The following UTRN variants were observed in gnomAD, a reference collection of about 807,000 sequenced individuals.
The protein encoded by UTRN is dystrophin-related protein 1.
UTRN carries 283 observed loss-of-function variants against 463.9 expected under a neutral mutation model. That is an observed-to-expected ratio of 0.61 (90% CI 0.55 to 0.67). The LOEUF is 0.67. Among genes scored for constraint, UTRN ranks in the 30% least tolerant of loss-of-function variants. UTRN has a pLI of 0.00. For synonymous variants in UTRN, 1,442 were observed against 1,431.5 expected, an observed-to-expected ratio of 1.01 and a Z score of -0.17; for missense variants, 3,922 against 4,084.3, an observed-to-expected ratio of 0.96 and a Z score of 1.08.
intron 52 of UTRN, among the ~76,000 whole-genome samples, chr6:144,695,632 T>C (rs1783925070): frequency 6.6e-6 from 1 of 152,198 alleles, no homozygotes; most frequent in African/African-American, 2.4e-5. Context: ...CGTGAGCCAC[T>C]GCGCTCAGCC....
chr6:144,435,303 T>C (rs1786430440), intron 9 of UTRN, among the ~76,000 whole-genome samples: 1 of 152,180 alleles, frequency 6.6e-6, no homozygotes, highest in African/African-American at 2.4e-5. Context: ...AAAGTATATA[T>C]GGAAATACTC....
chr6:144,690,869 T>TA (rs1158706759), intron 52 of UTRN, among the ~76,000 whole-genome samples: 3 of 152,274 alleles, frequency 2.0e-5, no homozygotes, highest in South Asian at 2.1e-4. Context: ...TCTGGGGACT[T>TA]ACAATTTTTG....
In UTRN at chr6:144,301,544, T is replaced by C. The variant is rs201530000; in HGVS notation, c.79+9637T>C. ...CCTATCTTTCTTTCTTTCTTTTTTTTTTTTTTTTTTTTTTTTTGAGACAGG... is the reference window on the plus strand; with the variant it reads ...CCTATCTTTCTTTCTTTCTTTTTTTCTTTTTTTTTTTTTTTTTGAGACAGG... On this transcript the variant is annotated intron_variant, in intron 2 of 74. Coordinates refer to ENST00000367545, the MANE Select transcript of UTRN (RefSeq NM_007124.3). 1.6e-4 allele frequency among the ~76,000 whole-genome samples: 21 copies of C among 127,908 alleles called. 1 individual carries two copies. The highest frequency in any genetic ancestry group is 5.2e-4 in the African/African-American group (14 of 27,184). 83.9% of individuals were successfully genotyped at this position (127,908 alleles called of 152,430 possible).
chr6:144,477,229 GAAGT>G (rs892949945), intron 25 of UTRN, among the ~76,000 whole-genome samples: 1 of 152,122 alleles, frequency 6.6e-6, no homozygotes, highest in Non-Finnish European at 1.5e-5. Context: ...ATATATAGCT[GAAGT>G]GAGTGACAAA....
chr6:144,302,068 A>G (rs1805323676), intron 2 of UTRN, among the ~76,000 whole-genome samples: 1 of 152,166 alleles, frequency 6.6e-6, no homozygotes, highest in Non-Finnish European at 1.5e-5. Flanking sequence ...TCTCTGTGCT[A>G]TCTGCATGCC....
chr6:144,473,115 G>A (rs1057456465), intron 23 of UTRN, among the ~76,000 whole-genome samples: 5 of 152,092 alleles, frequency 3.3e-5, no homozygotes, highest in African/African-American at 1.2e-4. Context: ...TCTCTCTAAA[G>A]TCTCTTTCTC....
At chr6:144,776,547 C>G (rs944644175) in intron 60 of UTRN, among the ~76,000 whole-genome samples, 2 of 152,184 alleles carry the variant, frequency 1.3e-5, no homozygotes, top group Non-Finnish European at 2.9e-5. Flanking sequence ...ACTCATATTT[C>G]GAGAACGTTG....
chr6:144,534,827 G>A (rs931511999), intron 43 of UTRN, among the ~76,000 whole-genome samples: 3 of 152,212 alleles, frequency 2.0e-5, no homozygotes, highest in South Asian at 2.1e-4. Context: ...GAAGCATGCC[G>A]AAGCTGAGTT....
chr6:144,567,216 G>T (rs1022629540), intron 50 of UTRN, among the ~76,000 whole-genome samples: 17 of 152,124 alleles, frequency 1.1e-4, no homozygotes, highest in Non-Finnish European at 1.5e-5. Context: ...AAAGGGATTG[G>T]CCTGGGGAGA....
intron 8 of UTRN, among the ~76,000 whole-genome samples, chr6:144,429,286 A>G (rs1431925264): frequency 6.6e-6 from 1 of 152,204 alleles, no homozygotes; most frequent in Non-Finnish European, 1.5e-5. Flanking sequence ...TTATTTTCAT[A>G]GTATGAATAA....
intron 48 of UTRN, among the ~76,000 whole-genome samples, chr6:144,552,309 C>T (rs1474019449): frequency 6.6e-6 from 1 of 152,012 alleles, no homozygotes; most frequent in East Asian, 1.9e-4. Flanking sequence ...TTACTAAATA[C>T]ATCATTTTCC....
Position 144,291,860 on chromosome 6 carries a change from C to T in UTRN, c.32C>T (p.Pro11Leu), listed in dbSNP as rs1216339504. Residue 11 changes from proline (P) to leucine (L), a missense_variant, in exon 2 of 75, where the codon CCT (proline) becomes CTT (leucine). Physicochemically the swap from Pro to Leu is moderately conservative, Grantham distance 98. Coordinates refer to ENST00000367545, the MANE Select transcript of UTRN (RefSeq NM_007124.3). The stretch of plus-strand genomic sequence containing the variant: ...AAGTATGGAGAACATGAAGCCAGTC[C>T]TGACAATGGGCAGAACGAATTCAGT... MAKYGEHEASPDNGQNEFSDI... is the reference protein window; with the variant it reads MAKYGEHEASLDNGQNEFSDI... The T allele has an allele frequency of 1.2e-6, 2 of 1,613,448 alleles. No homozygotes were observed. The highest frequency in any genetic ancestry group is 1.1e-5 in the South Asian group (1 of 90,992).
chr6:144,440,429 C>G lies in UTRN; in HGVS notation c.1470C>G (p.Asn490Lys), dbSNP rs375409726. The change falls in exon 13 of 75, where the codon AAC becomes AAG. Residue 490 changes from asparagine to lysine, a missense_variant. Around this residue, in one of 3 missense-constraint regions of UTRN, gnomAD observed 2,349 missense variants for 2,303.8 expected, o/e 1.02. Coordinates refer to ENST00000367545, the MANE Select transcript of UTRN (RefSeq NM_007124.3). ...LTHMVVIVDE[N>K]SGESATAILE... ...ACATGGTGGTCATTGTTGATGAAAA[C>G]AGTGGTGAGAGTGCTACAGCTATCC... 1.2e-5 allele frequency: 19 copies of G among 1,614,016 alleles called. No homozygotes were observed. The highest frequency in any genetic ancestry group is 1.5e-5 in the Non-Finnish European group (18 of 1,180,030).
intron 51 of UTRN, among the ~76,000 whole-genome samples, chr6:144,659,400 GAGGCTGCTCTC>G (rs1244857820): frequency 7.9e-5 from 12 of 152,234 alleles, no homozygotes; most frequent in African/African-American, 2.9e-4. Flanking sequence ...AGAGCCCACT[GAGGCTGCTCTC>G]CCCTGCCACA....
chr6:144,491,321 A>G (rs556973188), intron 32 of UTRN, among the ~76,000 whole-genome samples: 1 of 152,240 alleles, frequency 6.6e-6, no homozygotes. Flanking sequence ...ACTAGAATAG[A>G]CATGTATATA....
intron 50 of UTRN, among the ~76,000 whole-genome samples, chr6:144,563,174 G>A (rs990829414): frequency 2.0e-5 from 3 of 152,064 alleles, no homozygotes; most frequent in Non-Finnish European, 2.9e-5. Flanking sequence ...TTTTCAAAAG[G>A]TTATTTAAAT....
At chr6:144,463,496 T>C (rs1216250693) in intron 23 of UTRN, among the ~76,000 whole-genome samples, 1 of 152,142 alleles carries the variant, frequency 6.6e-6, no homozygotes, top group Admixed American at 6.5e-5. Flanking sequence ...GTGAGAAAGA[T>C]GGAGAAGCAG....
chr6:144,833,457 T>C (rs1460505920), intron 69 of UTRN, among the ~76,000 whole-genome samples: 1 of 152,210 alleles, frequency 6.6e-6, no homozygotes, highest in East Asian at 1.9e-4. Context: ...AATACAGACA[T>C]TTTCCAGGGA....
chr6:144,476,589 T>A (rs1791230395), intron 25 of UTRN, among the ~76,000 whole-genome samples: 1 of 152,162 alleles, frequency 6.6e-6, no homozygotes, highest in Admixed American at 6.5e-5. Flanking sequence ...ACTACCATTC[T>A]GGAAGGGTTA....
Sources: allele counts gnomAD v4.1 joint callset (sites outside exome capture counted in the v4.1 genomes callset), GRCh38; gene constraint gnomAD v4.1.1; regional missense constraint gnomAD v4.1.1; transcripts MANE v1.5; gene names NCBI Gene and HGNC (gene_info 2026-07-23, HGNC 2026-07-21).